PARN: variants seen among roughly 807,000 people sequenced by gnomAD.
PARN encodes poly(A)-specific ribonuclease.
A neutral mutation model predicts 102.8 loss-of-function variants in PARN; 71 were observed. That is an observed-to-expected ratio of 0.69 (90% CI 0.57 to 0.84). The LOEUF (loss-of-function observed/expected upper bound fraction) is 0.84, where lower values mean the gene tolerates loss of function less well. Ranked by LOEUF, PARN falls within the 40% of genes least tolerant of loss-of-function variation. PARN has a pLI of 0.00. For missense variants in PARN, 782 were observed against 760.9 expected (o/e 1.03, Z -0.33); for synonymous variants, 261 against 252.9 (o/e 1.03, Z -0.30).
At chr16:14,622,898 G>A (rs1395884329) in intron 5 of PARN, among the ~76,000 whole-genome samples, 1 of 152,016 alleles carries the variant, frequency 6.6e-6, no homozygotes, top group Non-Finnish European at 1.5e-5. Context: ...GAGCCCAGGA[G>A]TTCAAGACGA....
intron 21 of PARN, among the ~76,000 whole-genome samples, chr16:14,524,111 T>C (rs940909410): frequency 1.4e-4 from 21 of 152,218 alleles, no homozygotes; most frequent in Non-Finnish European, 1.0e-4. Context: ...AATGTCATTA[T>C]GTAGCATATG....
At chr16:14,518,135 C>CA (rs1965547491) in intron 21 of PARN, among the ~76,000 whole-genome samples, 1 of 150,470 alleles carries the variant, frequency 6.6e-6, no homozygotes, top group Non-Finnish European at 1.5e-5. Context: ...AAAAAACCCT[C>CA]AAAAATAATA....
intron 22 of PARN, among the ~76,000 whole-genome samples, chr16:14,451,112 C>G (rs936650568): frequency 1.3e-5 from 2 of 152,164 alleles, no homozygotes; most frequent in African/African-American, 4.8e-5. Flanking sequence ...ATAGGTTTAC[C>G]TAATGAAGTT....
intron 21 of PARN, among the ~76,000 whole-genome samples, chr16:14,548,711 T>G (rs1466952998): frequency 6.6e-6 from 1 of 151,928 alleles, no homozygotes; most frequent in Non-Finnish European, 1.5e-5. Context: ...TCCCAGAACT[T>G]TGGGAGGCTG....
chr16:14,451,703 T>C (rs777770113), intron 22 of PARN, among the ~76,000 whole-genome samples: 1 of 151,746 alleles, frequency 6.6e-6, no homozygotes, highest in Non-Finnish European at 1.5e-5. Context: ...TATAGGAGTA[T>C]AGTTTTGTCA....
At chr16:14,590,689 G>A (rs1414089326) in intron 13 of PARN, among the ~76,000 whole-genome samples, 1 of 150,492 alleles carries the variant, frequency 6.6e-6, no homozygotes, top group Admixed American at 6.6e-5. Context: ...CTTGTTTTGA[G>A]ACCCACAACT....
intron 6 of PARN, among the ~76,000 whole-genome samples, chr16:14,615,565 A>T (rs1422097304): frequency 6.6e-6 from 1 of 152,160 alleles, no homozygotes; most frequent in Non-Finnish European, 1.5e-5. Context: ...TCCGAAGATC[A>T]AAATCAGTAA....
At chr16:14,623,416 A>G (rs1972442304) in intron 5 of PARN, among the ~76,000 whole-genome samples, 1 of 152,104 alleles carries the variant, frequency 6.6e-6, no homozygotes, top group African/African-American at 2.4e-5. Flanking sequence ...CCAGAGGCTC[A>G]GGCAGGAGGA....
At chr16:14,459,198 T>C (rs1961836916) in intron 22 of PARN, among the ~76,000 whole-genome samples, 1 of 152,126 alleles carries the variant, frequency 6.6e-6, no homozygotes, top group Admixed American at 6.5e-5. Flanking sequence ...AGAAAATGTG[T>C]ATGGGAAAAT....
intron 18 of PARN, among the ~76,000 whole-genome samples, chr16:14,564,491 C>G (rs1394650229): frequency 6.6e-6 from 1 of 152,118 alleles, no homozygotes; most frequent in Non-Finnish European, 1.5e-5. Context: ...AAGCTGCTAC[C>G]TGGGCATGGG....
At chr16:14,505,084 C>A (rs1964818144) in intron 21 of PARN, among the ~76,000 whole-genome samples, 1 of 152,128 alleles carries the variant, frequency 6.6e-6, no homozygotes, top group Non-Finnish European at 1.5e-5. Context: ...ATGCAAGATG[C>A]CAAATTTCAG....
At chr16:14,592,299 G>C (rs773078273) in intron 13 of PARN, among the ~76,000 whole-genome samples, 4 of 152,192 alleles carry the variant, frequency 2.6e-5, no homozygotes, top group African/African-American at 7.2e-5. Flanking sequence ...ATCCAGGTAG[G>C]GATGTCTGGA....
intron 22 of PARN, among the ~76,000 whole-genome samples, chr16:14,452,059 A>T (rs896138376): frequency 2.6e-5 from 4 of 151,860 alleles, no homozygotes. Context: ...CTCAAACAAC[A>T]ACAACAATAA....
At chr16:14,557,906 T>C (rs1967797538) in intron 18 of PARN, among the ~76,000 whole-genome samples, 1 of 152,168 alleles carries the variant, frequency 6.6e-6, no homozygotes, top group Non-Finnish European at 1.5e-5. Context: ...TTAAATATTA[T>C]TTTCCAGCAT....
At chr16:14,539,920 TAAC>T (rs896866267) in intron 21 of PARN, among the ~76,000 whole-genome samples, 1 of 151,234 alleles carries the variant, frequency 6.6e-6, no homozygotes, top group African/African-American at 2.4e-5. Flanking sequence ...ATATACAATA[TAAC>T]AACTACTTAC....
chr16:14,518,556 A>G (rs906381849), intron 21 of PARN, among the ~76,000 whole-genome samples: 1 of 152,192 alleles, frequency 6.6e-6, no homozygotes, highest in Non-Finnish European at 1.5e-5. Context: ...AGCAAAGTAG[A>G]AAAAAGTAAA....
chr16:14,506,225 C>G (rs1567331038), intron 21 of PARN, among the ~76,000 whole-genome samples: 1 of 152,144 alleles, frequency 6.6e-6, no homozygotes. Context: ...AAATGTCAAT[C>G]TTGTGAAAAT....
intron 7 of PARN, among the ~76,000 whole-genome samples, chr16:14,609,784 T>C (rs1035094722): frequency 3.3e-5 from 5 of 152,182 alleles, no homozygotes; most frequent in African/African-American, 1.2e-4. Context: ...GCACCTTTAC[T>C]GCAAGCAAAG....
chr16:14,569,595 G>A (rs1453737254), intron 18 of PARN, among the ~76,000 whole-genome samples: 1 of 152,156 alleles, frequency 6.6e-6, no homozygotes, highest in Non-Finnish European at 1.5e-5. Flanking sequence ...ATGTGCCCAA[G>A]GTGTGATCTA....
Sources: gnomAD v4.1 joint callset for allele counts (sites outside exome capture counted in the v4.1 genomes callset) on GRCh38, gnomAD v4.1.1 for gene constraint, MANE v1.5 for transcripts, NCBI Gene and HGNC (gene_info 2026-07-23, HGNC 2026-07-21) for gene names.